MTUS2: variants seen among roughly 807,000 people sequenced by gnomAD.
The protein encoded by MTUS2 is microtubule-associated tumor suppressor candidate 2.
MTUS2 carries 40 observed loss-of-function variants against 114.1 expected under a neutral mutation model. That is an observed-to-expected ratio of 0.35 (90% CI 0.27 to 0.46). MTUS2 has a LOEUF of 0.46. Ranked by LOEUF, MTUS2 falls within the 20% of genes least tolerant of loss-of-function variation. MTUS2 has a pLI of 1.00. For missense variants in MTUS2, 1,679 were observed against 1,705.4 expected (o/e 0.98, Z 0.27); for synonymous variants, 688 against 672.0 (o/e 1.02, Z -0.37).
intron 1 of MTUS2, among the ~76,000 whole-genome samples, chr13:28,826,958 T>A (rs1435572299): frequency 6.6e-6 from 1 of 152,220 alleles, no homozygotes; most frequent in Non-Finnish European, 1.5e-5. Flanking sequence ...TCATCCTGAA[T>A]TAATTATCTT....
intron 5 of MTUS2, among the ~76,000 whole-genome samples, chr13:29,152,149 C>G (rs1159750187): frequency 6.6e-6 from 1 of 151,982 alleles, no homozygotes; most frequent in Non-Finnish European, 1.5e-5. Flanking sequence ...AGAATTCACA[C>G]TATACCCAAA....
intron 9 of MTUS2, among the ~76,000 whole-genome samples, chr13:29,470,185 T>C (rs1880174220): frequency 6.6e-6 from 1 of 152,162 alleles, no homozygotes; most frequent in South Asian, 2.1e-4. Flanking sequence ...CTAGAGTCCA[T>C]CCTGAGGCTC....
intron 5 of MTUS2, among the ~76,000 whole-genome samples, chr13:29,196,433 CA>C (rs1397849099): frequency 4.4e-5 from 2 of 45,426 alleles, no homozygotes; most frequent in African/African-American, 2.8e-4. Flanking sequence ...TATTTTTCCT[CA>C]ATTTTTTTTT....
chr13:28,889,640 A>G (rs1403588759), intron 2 of MTUS2, among the ~76,000 whole-genome samples: 1 of 152,130 alleles, frequency 6.6e-6, no homozygotes, highest in East Asian at 1.9e-4. Context: ...TCAAAAGAAG[A>G]GGGATTTTTT....
rs772517390 is a variant in MTUS2 at position 29,487,900 on chromosome 13, G to A, written c.3400G>A (p.Val1134Met). 1.2e-5 allele frequency: 20 copies of A among 1,612,612 alleles called. No homozygotes were observed. Among genetic ancestry groups the A allele is most frequent in the Non-Finnish European group, 1.5e-5 (18 of 1,178,886 alleles). The change falls in exon 11 of 16, where the codon GTG becomes ATG. Residue 1134 changes from valine to methionine, a missense_variant and splice_region_variant. Val to Met is a conservative substitution (Grantham distance 21). This residue lies in a region of MTUS2 where 822 missense variants were observed against 899.7 expected (regional missense o/e 0.91). Transcript: ENST00000612955. Reference sequence around the variant, plus strand: ...ACCAGTAACTGCGACTCTCCTCCAGGTGGAAGATCTCACCGCCAGCCATGA... The same window carrying A: ...ACCAGTAACTGCGACTCTCCTCCAGATGGAAGATCTCACCGCCAGCCATGA... ...LSIRCQHQEQVEDLTASHDAA... is the reference protein window; with the variant it reads ...LSIRCQHQEQMEDLTASHDAA...
chr13:29,271,207 A>G (rs984883567), intron 5 of MTUS2, among the ~76,000 whole-genome samples: 2 of 152,112 alleles, frequency 1.3e-5, no homozygotes, highest in African/African-American at 4.8e-5. Context: ...AGCATCCACC[A>G]TTGGCAACTT....
chr13:29,253,001 G>C (rs1897175172), intron 5 of MTUS2, among the ~76,000 whole-genome samples: 1 of 151,820 alleles, frequency 6.6e-6, no homozygotes. Context: ...TTCTTCCAGT[G>C]GGTAACCTAG....
At chr13:29,500,792 AACACACACACACACACACACACACAC>A (rs3066073) in intron 14 of MTUS2, among the ~76,000 whole-genome samples, 3 of 144,278 alleles carry the variant, frequency 2.1e-5, no homozygotes, top group Non-Finnish European at 3.0e-5. Context: ...TTACATCAGA[AACACACACACACACACACACACACAC>A]ACACACACAC....
At chr13:29,180,570 C>G (rs1177606737) in intron 5 of MTUS2, among the ~76,000 whole-genome samples, 27 of 152,196 alleles carry the variant, frequency 1.8e-4, no homozygotes, top group Non-Finnish European at 2.9e-5. Context: ...TCTATACCCT[C>G]AGATAAATCT....
intron 9 of MTUS2, among the ~76,000 whole-genome samples, chr13:29,466,580 G>A (rs1427279705): frequency 6.6e-6 from 1 of 152,104 alleles, no homozygotes; most frequent in Admixed American, 6.5e-5. Context: ...GAGTAATAAA[G>A]AAAGACAATC....
intron 9 of MTUS2, among the ~76,000 whole-genome samples, chr13:29,469,582 G>A (rs189168998): frequency 5.3e-5 from 8 of 150,926 alleles, no homozygotes; most frequent in Admixed American, 1.3e-4. Flanking sequence ...AGCCAAGATC[G>A]CGCCACTGCA....
chr13:29,369,031 G>A (rs1324102773), intron 8 of MTUS2, among the ~76,000 whole-genome samples: 2 of 152,130 alleles, frequency 1.3e-5, no homozygotes, highest in African/African-American at 4.8e-5. Flanking sequence ...AAACGGAGGG[G>A]GCATCTCTGA....
chr13:29,386,948 G>A (rs1872667182), intron 8 of MTUS2, among the ~76,000 whole-genome samples: 1 of 152,128 alleles, frequency 6.6e-6, no homozygotes, highest in Non-Finnish European at 1.5e-5. Flanking sequence ...TTTGTGTCTG[G>A]GTAGATTTAC....
chr13:29,205,780 G>A (rs748263513), intron 5 of MTUS2, among the ~76,000 whole-genome samples: 7 of 152,230 alleles, frequency 4.6e-5, no homozygotes, highest in Middle Eastern at 6.8e-3. Flanking sequence ...TAGTATGTTT[G>A]TACCATATTT....
At chr13:29,106,937 C>A (rs1890694513) in intron 5 of MTUS2, among the ~76,000 whole-genome samples, 1 of 152,016 alleles carries the variant, frequency 6.6e-6, no homozygotes, top group South Asian at 2.1e-4. Context: ...CATATACTCC[C>A]AACTAGCCAA....
At chr13:28,999,911 T>C (rs1885306550) in intron 2 of MTUS2, among the ~76,000 whole-genome samples, 1 of 152,244 alleles carries the variant, frequency 6.6e-6, no homozygotes, top group Admixed American at 6.5e-5. Flanking sequence ...CTTAACATAA[T>C]GTCCTCCAGG....
At chr13:28,903,277 T>G (rs1000573955) in intron 2 of MTUS2, among the ~76,000 whole-genome samples, 1 of 152,126 alleles carries the variant, frequency 6.6e-6, no homozygotes, top group Non-Finnish European at 1.5e-5. Flanking sequence ...TTTACTATTA[T>G]TATGCTTTAA....
At chr13:29,016,204 A>G (rs1023529901) in intron 2 of MTUS2, among the ~76,000 whole-genome samples, 3 of 152,188 alleles carry the variant, frequency 2.0e-5, no homozygotes, top group African/African-American at 4.8e-5. Context: ...TGCCTGGCCA[A>G]TTCATTTCTT....
chr13:29,315,705 G>A (rs1899960126), intron 6 of MTUS2, among the ~76,000 whole-genome samples: 1 of 152,130 alleles, frequency 6.6e-6, no homozygotes, highest in African/African-American at 2.4e-5. Flanking sequence ...ATGAGAGCAA[G>A]CATGTGACTA....
Sources: gnomAD v4.1 joint callset for allele counts (sites outside exome capture counted in the v4.1 genomes callset) on GRCh38, gnomAD v4.1.1 for gene constraint, gnomAD v4.1.1 regional missense constraint, MANE v1.5 for transcripts, NCBI Gene and HGNC (gene_info 2026-07-23, HGNC 2026-07-21) for gene names.